SUFU: variants seen among roughly 807,000 people sequenced by gnomAD.
SUFU encodes the protein suppressor of fused homolog.
A neutral mutation model predicts 58.9 loss-of-function variants in SUFU; 7 were observed. The observed-to-expected ratio is 0.12, with a 90% CI of 0.07 to 0.22. SUFU has a LOEUF of 0.22. Among genes scored for constraint, SUFU ranks in the 10% least tolerant of loss-of-function variants. The pLI is 1.00. For missense variants in SUFU, 451 were observed against 641.3 expected (o/e 0.70, Z 3.20); for synonymous variants, 232 against 254.8 (o/e 0.91, Z 0.85).
chr10:102,550,730 T>A (rs953983317), intron 3 of SUFU, among the ~76,000 whole-genome samples: 3 of 142,800 alleles, frequency 2.1e-5, no homozygotes, highest in African/African-American at 7.9e-5. Context: ...GTAGCTTCTG[T>A]AGTTACAGTG....
chr10:102,624,692 A>C (rs918573978), intron 10 of SUFU, among the ~76,000 whole-genome samples: 2 of 152,172 alleles, frequency 1.3e-5, no homozygotes, highest in Admixed American at 6.5e-5. Context: ...TCGTTGCTCT[A>C]CTAAAAGCCA....
At chr10:102,613,764 G>T (rs1016240465) in intron 8 of SUFU, among the ~76,000 whole-genome samples, 8 of 152,246 alleles carry the variant, frequency 5.3e-5, no homozygotes, top group African/African-American at 1.7e-4. Context: ...TTGAGAGGTT[G>T]TCAGTGGGGG....
chr10:102,577,766 C>T (rs1275403475), intron 3 of SUFU, among the ~76,000 whole-genome samples: 8 of 151,208 alleles, frequency 5.3e-5, no homozygotes, highest in African/African-American at 1.7e-4. Context: ...CTGCAAGCTC[C>T]GCCTCCCGGA....
At chr10:102,528,246 G>A (rs2062634220) in intron 2 of SUFU, among the ~76,000 whole-genome samples, 1 of 152,102 alleles carries the variant, frequency 6.6e-6, no homozygotes, top group Non-Finnish European at 1.5e-5. Context: ...TGCAAGAAAG[G>A]GTCTGGTGCC....
intron 3 of SUFU, among the ~76,000 whole-genome samples, chr10:102,589,990 T>C (rs1315853585): frequency 6.6e-6 from 1 of 152,046 alleles, no homozygotes; most frequent in Non-Finnish European, 1.5e-5. Context: ...AAAAGGATCT[T>C]GTCAAATGCT....
intron 3 of SUFU, among the ~76,000 whole-genome samples, chr10:102,583,805 A>G (rs144567732): frequency 1.4e-4 from 21 of 152,122 alleles, no homozygotes; most frequent in African/African-American, 4.8e-4. Flanking sequence ...TGCTGCACCG[A>G]TTAACTCGTC....
chr10:102,525,695 G>T (rs1414999648), intron 2 of SUFU, among the ~76,000 whole-genome samples: 1 of 151,940 alleles, frequency 6.6e-6, no homozygotes, highest in Non-Finnish European at 1.5e-5. Context: ...GTAAAGATGG[G>T]GTTTTGCCAT....
intron 3 of SUFU, among the ~76,000 whole-genome samples, chr10:102,551,510 C>T (rs1398033139): frequency 6.6e-6 from 1 of 151,576 alleles, no homozygotes; most frequent in Non-Finnish European, 1.5e-5. Flanking sequence ...TGGTGGTGGG[C>T]ACCTGTAATC....
chr10:102,504,321 A>G lies in SUFU; in HGVS notation c.169A>G (p.Ile57Val), dbSNP rs377614167. 3.5e-5 allele frequency: 57 copies of G among 1,614,056 alleles called. No homozygotes were observed. The highest frequency in any genetic ancestry group is 8.8e-5 in the South Asian group (8 of 91,078). Residue 57 changes from isoleucine to valine, a missense_variant, in exon 1 of 12, where the codon ATC becomes GTC. Coordinates refer to ENST00000369902, the MANE Select transcript of SUFU (RefSeq NM_016169.4). ...DQPNPLQVTA[I>V]VKYWLGGPDP... ...GCCGAACCCGCTCCAGGTTACCGCT[A>G]TCGTCAAGTACTGGTATGCTCTGGG...
intron 3 of SUFU, among the ~76,000 whole-genome samples, chr10:102,553,438 C>G (rs1168802228): frequency 6.6e-6 from 1 of 151,828 alleles, no homozygotes; most frequent in East Asian, 1.9e-4. Context: ...TGTTCAAGAT[C>G]ACACATCTAG....
chr10:102,530,096 C>G (rs1338313740), intron 2 of SUFU, among the ~76,000 whole-genome samples: 1 of 152,132 alleles, frequency 6.6e-6, no homozygotes, highest in Non-Finnish European at 1.5e-5. Flanking sequence ...GAGCCTTGCA[C>G]ACATGGAAGT....
chr10:102,529,030 ATTATT>A (rs2062645497), intron 2 of SUFU, among the ~76,000 whole-genome samples: 3 of 94,218 alleles, frequency 3.2e-5, no homozygotes, highest in South Asian at 6.2e-4. Flanking sequence ...TTTTTTTTCT[ATTATT>A]TTGTTTTTAT....
intron 6 of SUFU, among the ~76,000 whole-genome samples, chr10:102,596,841 C>T (rs1323957097): frequency 6.6e-6 from 1 of 152,102 alleles, no homozygotes; most frequent in Non-Finnish European, 1.5e-5. Flanking sequence ...GGCTCTGAAA[C>T]AGGTAGAGGC....
At chr10:102,599,597 G>T in intron 8 of SUFU, 53 bp downstream of exon 8, 1 of 1,462,920 alleles carries the variant, frequency 6.8e-7, no homozygotes, top group Non-Finnish European at 9.6e-7. Flanking sequence ...TTTTTCTGAA[G>T]GGCCTGTCCC....
chr10:102,586,798 A>G (rs181065165), intron 3 of SUFU, among the ~76,000 whole-genome samples: 32 of 152,324 alleles, frequency 2.1e-4, no homozygotes, highest in Non-Finnish European at 4.0e-4. Flanking sequence ...ACCACCATCC[A>G]TCTCTAGAAG....
At chr10:102,627,301 G>C (rs912711688) in intron 11 of SUFU, 58 bp downstream of exon 11, 2 of 1,481,744 alleles carry the variant, frequency 1.3e-6, no homozygotes, top group Admixed American at 1.7e-5. Context: ...ATGTGTGTGC[G>C]TGCGTGTGCA....
chr10:102,530,136 G>A (rs1231286619), intron 2 of SUFU, among the ~76,000 whole-genome samples: 1 of 152,144 alleles, frequency 6.6e-6, no homozygotes, highest in Non-Finnish European at 1.5e-5. Flanking sequence ...CTAGAGAAAG[G>A]TGGAGCTGGG....
At chr10:102,598,723 A>G (rs2063488098) in intron 7 of SUFU, among the ~76,000 whole-genome samples, 1 of 152,252 alleles carries the variant, frequency 6.6e-6, no homozygotes, top group East Asian at 1.9e-4. Flanking sequence ...TTGAGCAACT[A>G]ATTTTAATTT....
At chr10:102,512,939 T>C (rs1000665035) in intron 2 of SUFU, among the ~76,000 whole-genome samples, 17 of 151,994 alleles carry the variant, frequency 1.1e-4, no homozygotes, top group African/African-American at 3.4e-4. Context: ...CATGGTGGTG[T>C]GCATCGTAGC....
Sources: allele counts gnomAD v4.1 joint callset (sites outside exome capture counted in the v4.1 genomes callset), GRCh38; gene constraint gnomAD v4.1.1; transcripts MANE v1.5; gene names NCBI Gene and HGNC (gene_info 2026-07-23, HGNC 2026-07-21).